CDH8: variants seen among roughly 807,000 people sequenced by gnomAD.
CDH8 encodes the protein cadherin 8, also known as cadherin-8.
In CDH8, 17 loss-of-function variants were observed where a neutral mutation model predicts 68.1. That is an observed-to-expected ratio of 0.25 (90% CI 0.17 to 0.37). CDH8 has a LOEUF of 0.37. Ranked by LOEUF, CDH8 falls within the 10% of genes least tolerant of loss-of-function variation. The pLI is 1.00. For synonymous variants in CDH8, 372 were observed against 365.1 expected, an observed-to-expected ratio of 1.02 and a Z score of -0.21; for missense variants, 763 against 999.3, an observed-to-expected ratio of 0.76 and a Z score of 3.19.
chr16:61,929,168 C>T (rs893276006), intron 2 of CDH8, among the ~76,000 whole-genome samples: 1 of 152,198 alleles, frequency 6.6e-6, no homozygotes, highest in Admixed American at 6.5e-5. Context: ...TTCAGCCTCC[C>T]AAAGTGCTGG....
intron 3 of CDH8, among the ~76,000 whole-genome samples, chr16:61,886,799 C>A (rs2143165980): frequency 6.6e-6 from 1 of 152,308 alleles, no homozygotes; most frequent in Admixed American, 6.5e-5. Context: ...TCCACATCCT[C>A]CTAGTTTTCC....
At chr16:61,727,022 T>TA in intron 9 of CDH8, 72 bp downstream of exon 9, 1 of 1,478,520 alleles carries the variant, frequency 6.8e-7, no homozygotes, top group South Asian at 1.1e-5. Context: ...ATGCACAATA[T>TA]AATGCAGGTT....
At chr16:61,700,921 C>T (rs1045240808) in intron 10 of CDH8, among the ~76,000 whole-genome samples, 1 of 152,054 alleles carries the variant, frequency 6.6e-6, no homozygotes, top group Non-Finnish European at 1.5e-5. Context: ...AAATAATAAA[C>T]CTTTGAAGTG....
chr16:61,696,401 A>C (rs2142841014), intron 10 of CDH8, among the ~76,000 whole-genome samples: 1 of 152,282 alleles, frequency 6.6e-6, no homozygotes, highest in East Asian at 1.9e-4. Flanking sequence ...GCAAATCAAA[A>C]CCACAATGAG....
At chr16:61,847,751 T>C (rs1962841048) in intron 4 of CDH8, among the ~76,000 whole-genome samples, 1 of 151,624 alleles carries the variant, frequency 6.6e-6, no homozygotes, top group Admixed American at 6.6e-5. Context: ...TTCCATATAG[T>C]CTTAAATGCT....
At chr16:61,663,004 A>T (rs961960343) in intron 10 of CDH8, among the ~76,000 whole-genome samples, 4 of 152,026 alleles carry the variant, frequency 2.6e-5, no homozygotes, top group African/African-American at 4.8e-5. Context: ...CTTCATACCC[A>T]GTTGTTTATG....
At chr16:61,850,402 G>A (rs1962913362) in intron 4 of CDH8, among the ~76,000 whole-genome samples, 1 of 151,808 alleles carries the variant, frequency 6.6e-6, no homozygotes, top group Non-Finnish European at 1.5e-5. Flanking sequence ...TTCCAACATT[G>A]GAGGTCACAT....
intron 7 of CDH8, among the ~76,000 whole-genome samples, chr16:61,811,825 C>T (rs1006121901): frequency 1.3e-5 from 2 of 152,254 alleles, no homozygotes; most frequent in East Asian, 3.9e-4. Flanking sequence ...CATGATTCTG[C>T]TTTTATGAGG....
intron 9 of CDH8, among the ~76,000 whole-genome samples, chr16:61,714,940 G>C (rs184507848): frequency 0.13 from 19,590 of 150,064 alleles, 1,316 homozygotes; most frequent in African/African-American, 0.16. Context: ...TGTTATTAAA[G>C]AGAAAAAAAA....
intron 3 of CDH8, among the ~76,000 whole-genome samples, chr16:61,900,259 C>T (rs1276814989): frequency 6.6e-6 from 1 of 152,140 alleles, no homozygotes; most frequent in Non-Finnish European, 1.5e-5. Flanking sequence ...ATTTGTCTCA[C>T]CTTGTTCACC....
intron 2 of CDH8, among the ~76,000 whole-genome samples, chr16:61,954,845 T>C (rs1964959918): frequency 6.6e-6 from 1 of 152,224 alleles, no homozygotes; most frequent in African/African-American, 2.4e-5. Flanking sequence ...GTCCCAATCT[T>C]TAACTGTGGG....
chr16:61,972,956 CA>C (rs1269947446), intron 2 of CDH8, among the ~76,000 whole-genome samples: 1 of 152,160 alleles, frequency 6.6e-6, no homozygotes, highest in Non-Finnish European at 1.5e-5. Context: ...ATTCTGACTT[CA>C]AAAGCTACTT....
At chr16:61,971,139 T>A (rs936049482) in intron 2 of CDH8, among the ~76,000 whole-genome samples, 4 of 152,162 alleles carry the variant, frequency 2.6e-5, no homozygotes, top group Admixed American at 6.5e-5. Flanking sequence ...ATCCCAAAAC[T>A]TATAAGAACT....
At chr16:61,754,481 C>A (rs2142954629) in intron 8 of CDH8, among the ~76,000 whole-genome samples, 1 of 151,830 alleles carries the variant, frequency 6.6e-6, no homozygotes, top group South Asian at 2.1e-4. Context: ...TACCAGAAGC[C>A]ATTTTTTGTT....
At chr16:61,937,706 G>A (rs1964649640) in intron 2 of CDH8, among the ~76,000 whole-genome samples, 1 of 152,080 alleles carries the variant, frequency 6.6e-6, no homozygotes, top group African/African-American at 2.4e-5. Flanking sequence ...AAGGATCTTG[G>A]ATATATTCTC....
At chr16:61,930,085 T>C (rs929408696) in intron 2 of CDH8, among the ~76,000 whole-genome samples, 15 of 152,142 alleles carry the variant, frequency 9.9e-5, no homozygotes, top group African/African-American at 3.6e-4. Context: ...TGTTAATCAG[T>C]TTGTAATCAC....
rs534332073 is a variant in CDH8, at chr16:61,674,173, T to C, written c.1655-18452A>G. ...AACTAATTCTAGGGAATAGCTACTC[T>C]AGATCTACCCTAAACCTGTTGTTAA... On this transcript the variant is annotated intron_variant, in intron 10 of 11. Transcript: ENST00000577390. Among the ~76,000 whole-genome samples, 96 of 151,788 alleles carry C rather than the reference T, an allele frequency of 6.3e-4. 1 individual carries two copies. The highest frequency in any genetic ancestry group is 2.2e-3 in the African/African-American group (91 of 41,356).
intron 10 of CDH8, among the ~76,000 whole-genome samples, chr16:61,660,592 T>C (rs1201533498): frequency 2.0e-5 from 3 of 151,696 alleles, no homozygotes; most frequent in African/African-American, 7.3e-5. Flanking sequence ...TCCAGAAAGC[T>C]CAGGGAACTC....
chr16:61,865,288 C>A (rs1276180437), intron 3 of CDH8, among the ~76,000 whole-genome samples: 2 of 152,126 alleles, frequency 1.3e-5, no homozygotes, highest in South Asian at 4.1e-4. Context: ...ATTTAGGGAA[C>A]CAAACAATTT....
Sources: gnomAD v4.1 joint callset for allele counts (sites outside exome capture counted in the v4.1 genomes callset) on GRCh38, gnomAD v4.1.1 for gene constraint, MANE v1.5 for transcripts, NCBI Gene and HGNC (gene_info 2026-07-23, HGNC 2026-07-21) for gene names.